The following PRKG1 variants were observed in gnomAD, a reference collection of about 807,000 sequenced individuals.
The protein encoded by PRKG1 is protein kinase cGMP-dependent 1, also known as cGMP-dependent protein kinase 1.
Under a neutral mutation model 88.1 loss-of-function variants are expected in PRKG1, and 35 were observed. The ratio of observed to expected loss-of-function variants is 0.40; its 90% CI spans 0.30 to 0.53. The LOEUF (loss-of-function observed/expected upper bound fraction) is 0.53. Among genes scored for constraint, PRKG1 ranks in the 20% least tolerant of loss-of-function variants. The pLI is 0.59. For synonymous variants in PRKG1, 303 were observed against 292.5 expected (o/e 1.04, Z -0.37); for missense variants, 540 against 839.8 (o/e 0.64, Z 4.41).
chr10:51,441,174 A>G (rs919325755), intron 2 of PRKG1, among the ~76,000 whole-genome samples: 1 of 151,926 alleles, frequency 6.6e-6, no homozygotes, highest in African/African-American at 2.4e-5. Flanking sequence ...GTTTATTGAA[A>G]AAAAAGTATC....
intron 5 of PRKG1, among the ~76,000 whole-genome samples, chr10:51,993,476 A>G (rs1478812724): frequency 1.3e-5 from 2 of 152,204 alleles, no homozygotes; most frequent in African/African-American, 2.4e-5. Context: ...GCTTATTACA[A>G]TCCTATGAGT....
chr10:52,156,220 G>A (rs1215276104), intron 8 of PRKG1, among the ~76,000 whole-genome samples: 1 of 148,950 alleles, frequency 6.7e-6, no homozygotes, highest in Admixed American at 6.7e-5. Flanking sequence ...TAATTAGTTA[G>A]TTACTCATAA....
intron 3 of PRKG1, among the ~76,000 whole-genome samples, chr10:51,607,217 A>T (rs1203142178): frequency 6.6e-6 from 1 of 152,250 alleles, no homozygotes; most frequent in Non-Finnish European, 1.5e-5. Flanking sequence ...GGATACTTAA[A>T]CAACTTTTCT....
chr10:51,374,093 A>AAAATATATATATATAT, intron 2 of PRKG1, among the ~76,000 whole-genome samples: 4 of 100,190 alleles, frequency 4.0e-5, no homozygotes, highest in Admixed American at 2.0e-4. Flanking sequence ...AAAAAAAAAA[A>AAAATATATATATATAT]ATATATATAT....
At chr10:52,193,563 C>CAAAAAAAAAAAAAAAAAAACA (rs67349420) in intron 9 of PRKG1, among the ~76,000 whole-genome samples, 1 of 118,522 alleles carries the variant, frequency 8.4e-6, no homozygotes, top group Non-Finnish European at 1.7e-5. Flanking sequence ...AAAAAAAAAA[C>CAAAAAAAAAAAAAAAAAAACA]AAAAAAAAAA....
chr10:51,282,925 G>T (rs1175468742), intron 2 of PRKG1, among the ~76,000 whole-genome samples: 2 of 152,154 alleles, frequency 1.3e-5, no homozygotes, highest in Non-Finnish European at 2.9e-5. Flanking sequence ...TGTGATTGAT[G>T]TTGAGGTTTG....
chr10:51,792,889 C>A (rs975629785), intron 3 of PRKG1, among the ~76,000 whole-genome samples: 1 of 151,944 alleles, frequency 6.6e-6, no homozygotes, highest in Non-Finnish European at 1.5e-5. Context: ...TTACTGAAGA[C>A]CACCTAAAGA....
At chr10:51,846,502 G>A (rs902034543) in intron 4 of PRKG1, among the ~76,000 whole-genome samples, 4 of 152,084 alleles carry the variant, frequency 2.6e-5, no homozygotes, top group Non-Finnish European at 5.9e-5. Flanking sequence ...AATCTATAAT[G>A]CAACCATTTG....
chr10:51,807,596 G>C (rs186184206), intron 4 of PRKG1, among the ~76,000 whole-genome samples: 3 of 152,282 alleles, frequency 2.0e-5, no homozygotes, highest in Non-Finnish European at 4.4e-5. Context: ...AATGAAAAGA[G>C]AGTGCTCTAA....
chr10:51,220,811 T>C (rs1325532227), intron 2 of PRKG1, among the ~76,000 whole-genome samples: 6 of 152,094 alleles, frequency 3.9e-5, no homozygotes. Context: ...TAAATTAAAA[T>C]ATATAAGCAA....
At chr10:51,284,453 G>A (rs948037400) in intron 2 of PRKG1, among the ~76,000 whole-genome samples, 4 of 152,106 alleles carry the variant, frequency 2.6e-5, no homozygotes, top group African/African-American at 7.2e-5. Flanking sequence ...TTTCCTCTAC[G>A]TTACACTGAT....
At chr10:51,746,975 T>C (rs1253004591) in intron 3 of PRKG1, among the ~76,000 whole-genome samples, 1 of 152,074 alleles carries the variant, frequency 6.6e-6, no homozygotes, top group Admixed American at 6.6e-5. Flanking sequence ...CCACCTTATT[T>C]CAAAAGGACT....
chr10:51,329,995 C>G (rs1205976547), intron 2 of PRKG1, among the ~76,000 whole-genome samples: 1 of 147,854 alleles, frequency 6.8e-6, no homozygotes, highest in African/African-American at 2.5e-5. Context: ...ATACTTACAT[C>G]ATTCTCCAGA....
intron 3 of PRKG1, among the ~76,000 whole-genome samples, chr10:51,769,475 T>C (rs1453986294): frequency 6.6e-6 from 1 of 152,198 alleles, no homozygotes. Flanking sequence ...ATTGAGAGGA[T>C]TCTTGCCACT....
At position 52,295,392 on chromosome 10, in the gene PRKG1, A is replaced by G. The variant is rs151292915; in HGVS notation, c.*1492A>G. On this transcript the variant is annotated 3_prime_UTR_variant, in exon 18 of 18. Coordinates refer to ENST00000373980, the MANE Select transcript of PRKG1 (RefSeq NM_006258.4). The stretch of plus-strand genomic sequence containing the variant: ...CAATTCTGCAATTTCATACTACCTA[A>G]AAAAGACTAGATTTGAAAATGTCAA... The G allele has an allele frequency of 6.6e-4, 100 of 152,192 alleles. No individual in the cohort carries two copies. Among genetic ancestry groups the G allele is most frequent in the African/African-American group, 2.0e-3 (84 of 41,570 alleles). 9.4% of individuals were successfully genotyped at this position (152,192 alleles called of 1,614,324 possible). A position where few individuals can be genotyped will look rare whatever the true frequency, so the allele number is the denominator to read the frequency against.
chr10:51,777,861 T>C (rs933141745), intron 3 of PRKG1, among the ~76,000 whole-genome samples: 4 of 152,210 alleles, frequency 2.6e-5, no homozygotes, highest in Admixed American at 6.6e-5. Context: ...AATTGTATAG[T>C]ACATAGCCTT....
At chr10:51,246,525 G>A (rs1302710095) in intron 2 of PRKG1, among the ~76,000 whole-genome samples, 1 of 149,848 alleles carries the variant, frequency 6.7e-6, no homozygotes, top group African/African-American at 2.5e-5. Context: ...GACACTGACA[G>A]TATGGCCAGG....
intron 2 of PRKG1, among the ~76,000 whole-genome samples, chr10:51,284,290 A>G (rs1259167591): frequency 2.6e-5 from 4 of 152,344 alleles, no homozygotes; most frequent in African/African-American, 7.2e-5. Flanking sequence ...TTGCATATCT[A>G]CAGGGATGAG....
chr10:52,293,888 T>C lies in PRKG1; in HGVS notation c.2049T>C (p.Asp683=), dbSNP rs771700923. 61 of 1,609,606 alleles carry C rather than the reference T, an allele frequency of 3.8e-5. No individual in the cohort carries two copies. Among genetic ancestry groups the C allele is most frequent in the Non-Finnish European group, 5.1e-5 (60 of 1,176,306 alleles). ...CACCTGATGACAACTCAGGATGGGATATAGACTTCTAATGTATTTCTCTTA... is the reference window on the plus strand; with the variant it reads ...CACCTGATGACAACTCAGGATGGGACATAGACTTCTAATGTATTTCTCTTA... ...EPPPDDNSGW[D]IDF Residue 683 remains aspartate, a synonymous_variant, in exon 18 of 18, where the codon GAT becomes GAC. Transcript: ENST00000373980.
Sources: gnomAD v4.1 joint callset for allele counts (sites outside exome capture counted in the v4.1 genomes callset) on GRCh38, gnomAD v4.1.1 for gene constraint, MANE v1.5 for transcripts, NCBI Gene and HGNC (gene_info 2026-07-23, HGNC 2026-07-21) for gene names.